RTL4: variants seen among roughly 807,000 people sequenced by gnomAD.
RTL4 encodes retrotransposon Gag-like protein 4.
Under a neutral mutation model 5.3 loss-of-function variants are expected in RTL4, and 4 were observed. The ratio of observed to expected loss-of-function variants is 0.75; its 90% CI spans 0.37 to 1.72. The LOEUF is 1.72. Among genes scored for constraint, RTL4 ranks in the 40% most tolerant of loss-of-function variants. RTL4 has a pLI of 0.04. For synonymous variants in RTL4, 98 were observed against 87.3 expected (o/e 1.12, Z -0.68); for missense variants, 260 against 227.1 (o/e 1.14, Z -0.93).
chrX:112,422,367 T>C, the RTL4 span, among the ~76,000 whole-genome samples: 4 of 111,232 alleles, frequency 3.6e-5, no homozygotes, highest in Non-Finnish European at 7.6e-5. Flanking sequence ...TGACAAGATT[T>C]GGCATGTGAA....
the RTL4 span, among the ~76,000 whole-genome samples, chrX:112,084,857 T>C: frequency 8.9e-6 from 1 of 111,845 alleles, no homozygotes; most frequent in South Asian, 3.8e-4. Context: ...CTTCTGAAAT[T>C]TGGAGCTTTC....
chrX:112,410,348 A>G, the RTL4 span, among the ~76,000 whole-genome samples: 16 of 111,942 alleles, frequency 1.4e-4, no homozygotes, highest in Non-Finnish European at 3.0e-4. Context: ...TCAATAAAGA[A>G]ACATTGAACT....
At chrX:112,330,957 T>C in the RTL4 span, among the ~76,000 whole-genome samples, 1 of 110,343 alleles carries the variant, frequency 9.1e-6, no homozygotes, top group South Asian at 3.9e-4. Flanking sequence ...TAGCCATATG[T>C]AGAAAGCTGA....
At chrX:112,215,374 A>G in the RTL4 span, among the ~76,000 whole-genome samples, 1 of 111,889 alleles carries the variant, frequency 8.9e-6, no homozygotes, top group Non-Finnish European at 1.9e-5. Flanking sequence ...CCTGTTGACA[A>G]TTTGCATATC....
At chrX:112,403,199 C>T in the RTL4 span, among the ~76,000 whole-genome samples, 1 of 111,409 alleles carries the variant, frequency 9.0e-6, no homozygotes, top group Non-Finnish European at 1.9e-5. Context: ...CAGTTTGGCC[C>T]TTCTTTCTTT....
At chrX:112,450,635 G>C (rs61346533), upstream of RTL4, among the ~76,000 whole-genome samples, 1 of 110,256 alleles carries the variant, frequency 9.1e-6, no homozygotes, top group Non-Finnish European at 1.9e-5. Context: ...TGTATGATTT[G>C]CATTTGGACT....
chrX:112,122,449 G>A, the RTL4 span, among the ~76,000 whole-genome samples: 1 of 110,317 alleles, frequency 9.1e-6, no homozygotes, highest in Non-Finnish European at 1.9e-5. Context: ...GGAGTGGGGA[G>A]GTGAGGGAAG....
chrX:112,141,655 G>A, the RTL4 span, among the ~76,000 whole-genome samples: 60 of 110,753 alleles, frequency 5.4e-4, no homozygotes, highest in African/African-American at 1.9e-3. Flanking sequence ...GTGTCTTGGA[G>A]GGTTCACATA....
the RTL4 span, among the ~76,000 whole-genome samples, chrX:112,156,819 G>A: frequency 9.0e-6 from 1 of 111,533 alleles, no homozygotes; most frequent in East Asian, 2.8e-4. Flanking sequence ...AATTATATCT[G>A]CAATACCACC....
the RTL4 span, among the ~76,000 whole-genome samples, chrX:112,206,944 AT>A: frequency 2.7e-5 from 3 of 111,590 alleles, no homozygotes; most frequent in South Asian, 1.1e-3. Flanking sequence ...ATCATCCTTG[AT>A]TTCTGTTTTC....
chrX:112,128,481 A>C, the RTL4 span, among the ~76,000 whole-genome samples: 1 of 110,200 alleles, frequency 9.1e-6, no homozygotes, highest in Non-Finnish European at 1.9e-5. Flanking sequence ...CAACATGGTG[A>C]AACCCTGTCG....
chrX:112,396,267 T>C, the RTL4 span, among the ~76,000 whole-genome samples: 2 of 110,927 alleles, frequency 1.8e-5, no homozygotes, highest in Non-Finnish European at 3.8e-5. Flanking sequence ...CTCTCCCAAA[T>C]GCACAGATTC....
At chrX:112,428,063 G>A in the RTL4 span, among the ~76,000 whole-genome samples, 4 of 111,334 alleles carry the variant, frequency 3.6e-5, no homozygotes, top group Admixed American at 2.9e-4. Flanking sequence ...GAGAATAATG[G>A]CCTCCAGTTC....
At chrX:112,085,850 G>T in the RTL4 span, among the ~76,000 whole-genome samples, 10 of 111,686 alleles carry the variant, frequency 9.0e-5, no homozygotes, top group Non-Finnish European at 3.8e-5. Context: ...GTGAGGAAAC[G>T]ACATAAAAAG....
chrX:112,310,692 A>G, the RTL4 span, among the ~76,000 whole-genome samples: 1 of 70,299 alleles, frequency 1.4e-5, no homozygotes, highest in Non-Finnish European at 2.4e-5. Flanking sequence ...ATATATTTAT[A>G]TATTATATAA....
the RTL4 span, among the ~76,000 whole-genome samples, chrX:112,443,447 T>C: frequency 8.9e-6 from 1 of 111,742 alleles, no homozygotes; most frequent in Admixed American, 9.5e-5. Context: ...TTTGGGTATA[T>C]ACCCAGCAGT....
chrX:112,236,479 A>C, the RTL4 span, among the ~76,000 whole-genome samples: 78 of 83,562 alleles, frequency 9.3e-4, 1 homozygote, highest in Non-Finnish European at 1.3e-3. Context: ...ATATATAGAT[A>C]TAGATCTATA....
the RTL4 span, among the ~76,000 whole-genome samples, chrX:112,127,049 G>A: frequency 9.0e-6 from 1 of 111,335 alleles, no homozygotes; most frequent in African/African-American, 3.3e-5. Context: ...GAGGAGGAGC[G>A]AACACTTTTA....
the RTL4 span, among the ~76,000 whole-genome samples, chrX:112,245,457 A>G: frequency 9.0e-6 from 1 of 111,205 alleles, no homozygotes; most frequent in African/African-American, 3.3e-5. Context: ...ATCTTCAATC[A>G]CTGATACCCT....
Sources: gnomAD v4.1 joint callset for allele counts (sites outside exome capture counted in the v4.1 genomes callset) on GRCh38, gnomAD v4.1.1 for gene constraint, MANE v1.5 for transcripts, NCBI Gene and HGNC (gene_info 2026-07-23, HGNC 2026-07-21) for gene names.